PHF21A: variants seen among roughly 807,000 people sequenced by gnomAD.
PHF21A encodes the protein BHC80a.
In PHF21A, 11 loss-of-function variants were observed where a neutral mutation model predicts 82.5. The observed-to-expected ratio is 0.13, with a 90% CI of 0.08 to 0.22. The LOEUF is 0.22. Among genes scored for constraint, PHF21A ranks in the 10% least tolerant of loss-of-function variants. The pLI is 1.00. For missense variants in PHF21A, 579 were observed against 837.8 expected (o/e 0.69, Z 3.81); for synonymous variants, 297 against 302.8 (o/e 0.98, Z 0.20).
chr11:46,080,168 T>C (rs937049027), intron 4 of PHF21A, among the ~76,000 whole-genome samples: 35 of 151,922 alleles, frequency 2.3e-4, no homozygotes, highest in African/African-American at 6.8e-4. Context: ...TAACTACTAG[T>C]TTTTTTTTGA....
At chr11:45,996,024 AC>A (rs2094896403) in intron 6 of PHF21A, among the ~76,000 whole-genome samples, 1 of 152,006 alleles carries the variant, frequency 6.6e-6, no homozygotes, top group South Asian at 2.1e-4. Context: ...GCTCATTATA[AC>A]CTCAAACTCC....
intron 4 of PHF21A, among the ~76,000 whole-genome samples, chr11:46,079,497 C>A (rs1407298147): frequency 6.6e-6 from 1 of 152,178 alleles, no homozygotes; most frequent in East Asian, 1.9e-4. Context: ...TTGTCAATGT[C>A]TAGAGTCCCA....
intron 6 of PHF21A, among the ~76,000 whole-genome samples, chr11:46,014,974 C>T (rs1426572129): frequency 1.0e-4 from 4 of 39,730 alleles, no homozygotes; most frequent in Non-Finnish European, 1.5e-4. Flanking sequence ...AGCGAGACTC[C>T]GTCTCAAAAA....
chr11:46,057,225 A>C (rs1444032693), intron 6 of PHF21A, among the ~76,000 whole-genome samples: 1 of 152,188 alleles, frequency 6.6e-6, no homozygotes, highest in Non-Finnish European at 1.5e-5. Flanking sequence ...TTGGAACTAC[A>C]TAAGCAGTTG....
intron 6 of PHF21A, among the ~76,000 whole-genome samples, chr11:46,023,552 T>C (rs879412023): frequency 2.2e-4 from 34 of 152,280 alleles, no homozygotes; most frequent in Admixed American, 4.6e-4. Flanking sequence ...TATGAAAAGG[T>C]GTGTTCCTGA....
chr11:46,040,396 T>C (rs1303047818), intron 6 of PHF21A, among the ~76,000 whole-genome samples: 2 of 152,188 alleles, frequency 1.3e-5, no homozygotes, highest in African/African-American at 4.8e-5. Flanking sequence ...TTTTTAGCAT[T>C]CTTTAATTCC....
At chr11:45,970,074 C>G in intron 8 of PHF21A, 170 bp from the exon 9 acceptor site, 3 of 608,944 alleles carry the variant, frequency 4.9e-6, no homozygotes, top group Non-Finnish European at 8.8e-6. Flanking sequence ...AACTCTCCCA[C>G]CTGTGTGCTT....
intron 7 of PHF21A, among the ~76,000 whole-genome samples, chr11:45,976,241 A>T (rs1406412199): frequency 2.6e-5 from 4 of 152,174 alleles, no homozygotes; most frequent in African/African-American, 4.8e-5. Context: ...CTAAAATCCC[A>T]TTCATCTGAC....
At chr11:46,064,958 A>T (rs2096577360) in intron 6 of PHF21A, among the ~76,000 whole-genome samples, 1 of 152,214 alleles carries the variant, frequency 6.6e-6, no homozygotes, top group South Asian at 2.1e-4. Context: ...TAATCCACAG[A>T]GCCAGTAACA....
At chr11:45,949,256 T>G in intron 13 of PHF21A, 146 bp downstream of exon 13, 1 of 711,162 alleles carries the variant, frequency 1.4e-6, no homozygotes, top group South Asian at 1.7e-5. Flanking sequence ...ATAAAAATGA[T>G]AAGTCAAAAA....
At chr11:46,065,881 C>A (rs1332816361) in intron 6 of PHF21A, among the ~76,000 whole-genome samples, 1 of 152,184 alleles carries the variant, frequency 6.6e-6, no homozygotes, top group Non-Finnish European at 1.5e-5. Context: ...GTGGTAAGAG[C>A]TACACAAAAG....
chr11:46,099,373 T>C (rs2097055277), intron 1 of PHF21A, among the ~76,000 whole-genome samples: 2 of 152,160 alleles, frequency 1.3e-5, no homozygotes, highest in Admixed American at 1.3e-4. Context: ...AAATGGACAG[T>C]GATCACAAGC....
chr11:45,937,972 T>A (rs6485649), intron 16 of PHF21A, among the ~76,000 whole-genome samples, 185 bp downstream of exon 16: 2,429 of 152,354 alleles, frequency 0.016, 64 homozygotes, highest in African/African-American at 0.055. Flanking sequence ...CTCAGTAATA[T>A]GGCAGAGGGC....
chr11:46,086,795 A>G (rs1358262780), intron 3 of PHF21A, among the ~76,000 whole-genome samples: 1 of 152,194 alleles, frequency 6.6e-6, no homozygotes, highest in Non-Finnish European at 1.5e-5. Context: ...CAATTCACAT[A>G]AACTCTGGAA....
Position 45,938,147 on chromosome 11 carries a change from C to G in PHF21A, c.1608+10G>C. On this transcript the variant is annotated intron_variant, in intron 16 of 18. Transcript: ENST00000676320. ...CTCGGCCCCTCCCCTGTTGGACCCA[C>G]CCACAGTACCTGGTCCTGACATCTG... The G allele has an allele frequency of 6.4e-7, 1 of 1,573,184 alleles. No individual in the cohort carries two copies. Among genetic ancestry groups the G allele is most frequent in the Non-Finnish European group, 8.6e-7 (1 of 1,156,606 alleles).
chr11:45,979,000 T>C (rs2094165342), intron 7 of PHF21A, among the ~76,000 whole-genome samples: 1 of 152,052 alleles, frequency 6.6e-6, no homozygotes, highest in South Asian at 2.1e-4. Flanking sequence ...TTTCTATGAA[T>C]AGTGCAAATA....
At chr11:45,947,892 G>A (rs1348773548) in intron 14 of PHF21A, among the ~76,000 whole-genome samples, 1 of 152,196 alleles carries the variant, frequency 6.6e-6, no homozygotes, top group Admixed American at 6.5e-5. Context: ...GTACTTGAAG[G>A]ACAGGACTGA....
chr11:46,068,840 T>C (rs1180479377), intron 6 of PHF21A, among the ~76,000 whole-genome samples: 1 of 152,218 alleles, frequency 6.6e-6, no homozygotes. Flanking sequence ...TGCTCTGCCT[T>C]AACTCAGCAA....
rs145192247 is a variant in PHF21A, at chr11:46,049,020, G to C, written c.153+27734C>G. On this transcript the variant is annotated intron_variant, in intron 6 of 18. Coordinates refer to ENST00000676320, the MANE Select transcript of PHF21A (RefSeq NM_001352027.3). The stretch of plus-strand genomic sequence containing the variant: ...ATTAACTAGCTGTCTGTTAGGGAAT[G>C]GCTAAACTAGCTCTGCAGAATGACA... Among the ~76,000 whole-genome samples, 578 of 152,306 alleles carry C rather than the reference G, an allele frequency of 3.8e-3. 3 individuals are homozygous for C. The highest frequency in any genetic ancestry group is 0.013 in the African/African-American group (560 of 41,566).
Sources: gnomAD v4.1 joint callset for allele counts (sites outside exome capture counted in the v4.1 genomes callset) on GRCh38, gnomAD v4.1.1 for gene constraint, MANE v1.5 for transcripts, NCBI Gene and HGNC (gene_info 2026-07-23, HGNC 2026-07-21) for gene names.